The following SPINK9 variants were observed in gnomAD, a reference collection of about 807,000 sequenced individuals.
SPINK9 encodes the protein serine peptidase inhibitor Kazal type 9.
Under a neutral mutation model 10.8 loss-of-function variants are expected in SPINK9, and 3 were observed. The observed-to-expected ratio is 0.28, with a 90% confidence interval of 0.13 to 0.72. The LOEUF (loss-of-function observed/expected upper bound fraction) is 0.72, where lower values mean the gene tolerates loss of function less well. Among genes scored for constraint, SPINK9 ranks in the 30% least tolerant of loss-of-function variants. SPINK9 has a pLI of 0.74. For missense variants in SPINK9, 101 were observed against 103.2 expected (o/e 0.98, Z 0.09); for synonymous variants, 30 against 31.2 (o/e 0.96, Z 0.12).
intron 2 of SPINK9, among the ~76,000 whole-genome samples, chr5:148,337,958 T>G (rs979856057): frequency 3.9e-5 from 6 of 152,162 alleles, no homozygotes; most frequent in African/African-American, 1.4e-4. Flanking sequence ...TTAAGATATA[T>G]TCATCTATGT....
intron 3 of SPINK9, among the ~76,000 whole-genome samples, chr5:148,339,326 G>A (rs750886315): frequency 6.6e-6 from 1 of 151,488 alleles, no homozygotes; most frequent in Non-Finnish European, 1.5e-5. Context: ...AAATACAAAC[G>A]AGCATCTAAC....
At chr5:148,332,899 T>A (rs17719763), upstream of SPINK9, among the ~76,000 whole-genome samples, 54,993 of 152,028 alleles carry the variant, frequency 0.36, 11,044 homozygotes, top group East Asian at 0.58. Flanking sequence ...GAAATGGGAC[T>A]CTAGAGATCA....
chr5:148,321,564 T>C (rs1757000579), intron 1 of SPINK9, among the ~76,000 whole-genome samples: 1 of 151,754 alleles, frequency 6.6e-6, no homozygotes, highest in Non-Finnish European at 1.5e-5. Context: ...TTAAATGCCA[T>C]ATATTCTAAT....
upstream of SPINK9, among the ~76,000 whole-genome samples, chr5:148,331,029 C>T (rs907030050): frequency 6.6e-6 from 1 of 152,252 alleles, no homozygotes; most frequent in African/African-American, 2.4e-5. Context: ...TGACCCCTTG[C>T]ACTTCCTGGG....
At chr5:148,332,438 T>A (rs1295080318), upstream of SPINK9, among the ~76,000 whole-genome samples, 1 of 152,228 alleles carries the variant, frequency 6.6e-6, no homozygotes. Flanking sequence ...ATTTACCTTC[T>A]GTAAAATGGA....
rs550142903 is a variant in SPINK9 at position 148,327,330 on chromosome 5, T to C, written c.118+3462T>C. On this transcript the variant is annotated intron_variant, in intron 2 of 4. Coordinates refer to the SPINK9 transcript ENST00000511717. Reference sequence around the variant, plus strand: ...TTCTTTTGAGAAGCCTATGTTCATATCCCTTGCCCACTTTTTGATGGGGTT... The same window carrying C: ...TTCTTTTGAGAAGCCTATGTTCATACCCCTTGCCCACTTTTTGATGGGGTT... Among the ~76,000 whole-genome samples, 8 of 152,318 alleles carry C rather than the reference T, an allele frequency of 5.3e-5. No homozygotes were observed. The East Asian group carries it at 1.5e-3, about 29-fold the overall frequency.
At chr5:148,335,550 G>A, upstream of SPINK9, 5 of 1,462,636 alleles carry the variant, frequency 3.4e-6, no homozygotes, top group Non-Finnish European at 4.8e-6. Context: ...GGATCAAAGT[G>A]AGCTGGACGG....
chr5:148,338,643 A>G (rs1480187204), intron 3 of SPINK9, 38 bp downstream of exon 3: 2 of 1,452,454 alleles, frequency 1.4e-6, no homozygotes, highest in South Asian at 2.4e-5. Context: ...TATTTAAGGT[A>G]AAAGTATATA....
intron 2 of SPINK9, among the ~76,000 whole-genome samples, chr5:148,329,830 A>C (rs1428050026): frequency 2.6e-5 from 4 of 152,178 alleles, no homozygotes; most frequent in Non-Finnish European, 5.9e-5. Flanking sequence ...TGAGTTTCCT[A>C]ATCATGAGTT....
chr5:148,326,658 T>C, intron 2 of SPINK9, among the ~76,000 whole-genome samples: 1 of 152,060 alleles, frequency 6.6e-6, no homozygotes, highest in Non-Finnish European at 1.5e-5. Context: ...ATGCTATCCC[T>C]CCCCCTGCCC....
chr5:148,337,924 G>C (rs1757237917), intron 2 of SPINK9, among the ~76,000 whole-genome samples: 1 of 152,030 alleles, frequency 6.6e-6, no homozygotes, highest in South Asian at 2.1e-4. Context: ...TAGGAATTTA[G>C]AACACTGGTT....
chr5:148,336,212 T>A (rs930211821), intron 1 of SPINK9, among the ~76,000 whole-genome samples: 1 of 152,188 alleles, frequency 6.6e-6, no homozygotes, highest in African/African-American at 2.4e-5. Context: ...TTTCTTTGAC[T>A]AGATTCCACT....
intron 1 of SPINK9, among the ~76,000 whole-genome samples, chr5:148,321,584 A>G (rs1435614163): frequency 1.3e-5 from 2 of 152,012 alleles, no homozygotes; most frequent in Non-Finnish European, 2.9e-5. Context: ...TTCCAAGTCC[A>G]AGTCCAATCC....
At chr5:148,323,251 G>A (rs1185611540) in intron 1 of SPINK9, among the ~76,000 whole-genome samples, 1 of 152,022 alleles carries the variant, frequency 6.6e-6, no homozygotes, top group Admixed American at 6.6e-5. Context: ...ATTACTTTAG[G>A]TTACAAAGTT....
At chr5:148,321,884 C>T (rs551957954) in intron 1 of SPINK9, among the ~76,000 whole-genome samples, 1 of 152,292 alleles carries the variant, frequency 6.6e-6, no homozygotes, top group East Asian at 1.9e-4. Context: ...TATTTCCTCA[C>T]AATGACTGTA....
intron 3 of SPINK9, among the ~76,000 whole-genome samples, 153 bp from the exon 4 acceptor site, chr5:148,339,514 C>T (rs1328699996): frequency 1.3e-5 from 2 of 151,988 alleles, no homozygotes; most frequent in Non-Finnish European, 2.9e-5. Context: ...GCACCAGTTT[C>T]AAAAATATTT....
exon 2 of SPINK9, chr5:148,323,848 C>A (rs1229993032): frequency 1.4e-6 from 1 of 700,830 alleles, no homozygotes; most frequent in Middle Eastern, 2.3e-4. Context: ...ATGGGCTTAA[C>A]GCAACCTGAA....
Position 148,338,502 on chromosome 5 carries a change from T to C in SPINK9, c.112T>C (p.Leu38=). The part of the protein sequence containing the change: ...QMVDCSHYKK[L]PPGQQRFCHH... ...GGTTGACTGCAGTCATTATAAAAAG[T>C]TACCACCAGGACAACAGAGATTTTG... Residue 38 remains leucine (L), a synonymous_variant, in exon 3 of 4, where the codon TTA becomes CTA. Transcript: ENST00000377906. 1 of 1,605,586 alleles carries C rather than the reference T, an allele frequency of 6.2e-7. No individual in the cohort carries two copies. Among genetic ancestry groups the C allele is most frequent in the South Asian group, 1.1e-5 (1 of 88,740 alleles).
At position 148,335,646 on chromosome 5, in the gene SPINK9, TCTGACA is replaced by T. The variant is rs748416173; in HGVS notation, c.36_41del (p.Thr13_Leu14del). ...CAACAGCCATAGTCCTACTCTTGGC[TCTGACA>T]CTTGCAACCATGTTCAGTGAGTATC... On this transcript the variant is annotated inframe_deletion, in exon 1 of 4. Coordinates refer to ENST00000377906, the MANE Select transcript of SPINK9 (RefSeq NM_001040433.2). 1.9e-6 allele frequency: 3 copies of T among 1,613,742 alleles called. No homozygotes were observed. The highest frequency in any genetic ancestry group is 2.5e-6 in the Non-Finnish European group (3 of 1,179,862).
Sources: allele counts gnomAD v4.1 joint callset (sites outside exome capture counted in the v4.1 genomes callset), GRCh38; gene constraint gnomAD v4.1.1; transcripts MANE v1.5; gene names NCBI Gene and HGNC (gene_info 2026-07-23, HGNC 2026-07-21).